Variants in COL22A1 observed in about 807,000 individuals in gnomAD.
COL22A1 encodes the protein collagen type XXII alpha 1 chain.
COL22A1 carries 221 observed loss-of-function variants against 248.9 expected under a neutral mutation model. The ratio of observed to expected loss-of-function variants is 0.89; its 90% CI spans 0.80 to 0.99. The LOEUF (loss-of-function observed/expected upper bound fraction) is 0.99. Among genes scored for constraint, COL22A1 ranks in the 50% least tolerant of loss-of-function variants. COL22A1 has a pLI of 0.00. For synonymous variants in COL22A1, 891 were observed against 793.4 expected (o/e 1.12, Z -2.07); for missense variants, 2,240 against 2,179.0 (o/e 1.03, Z -0.56).
chr8:138,871,273 T>G (rs1420988684), intron 3 of COL22A1, among the ~76,000 whole-genome samples: 1 of 152,172 alleles, frequency 6.6e-6, no homozygotes, highest in Non-Finnish European at 1.5e-5. Flanking sequence ...GATTCAGGAC[T>G]GCCCCCGGAT....
chr8:138,863,554 T>C (rs1822644488), intron 3 of COL22A1, among the ~76,000 whole-genome samples: 1 of 152,108 alleles, frequency 6.6e-6, no homozygotes, highest in African/African-American at 2.4e-5. Flanking sequence ...TACAAAGCAA[T>C]AGCACTGAGC....
chr8:138,833,005 C>G, intron 5 of COL22A1, 34 bp downstream of exon 5: 1 of 1,416,996 alleles, frequency 7.1e-7, no homozygotes, highest in South Asian at 1.1e-5. Flanking sequence ...CCATGACACC[C>G]TGGGCAGGTC....
intron 23 of COL22A1, among the ~76,000 whole-genome samples, chr8:138,728,440 C>T (rs912462693): frequency 6.6e-6 from 1 of 152,130 alleles, no homozygotes; most frequent in Non-Finnish European, 1.5e-5. Flanking sequence ...ATGAACAATT[C>T]AGTTCCCTTC....
chr8:138,649,142 T>C (rs2130540757), intron 46 of COL22A1, among the ~76,000 whole-genome samples: 1 of 152,346 alleles, frequency 6.6e-6, no homozygotes, highest in East Asian at 1.9e-4. Flanking sequence ...GGACAGACCA[T>C]GAACTCCTTT....
At chr8:138,635,094 ATGACTTG>A in intron 48 of COL22A1, 31 bp from the exon 49 acceptor site, 1 of 1,554,170 alleles carries the variant, frequency 6.4e-7, no homozygotes, top group Admixed American at 1.9e-5. Flanking sequence ...ATTCTTTAAA[ATGACTTG>A]AAAAATACTT....
At chr8:138,872,145 G>C (rs1823390288) in intron 3 of COL22A1, among the ~76,000 whole-genome samples, 1 of 152,144 alleles carries the variant, frequency 6.6e-6, no homozygotes, top group South Asian at 2.1e-4. Context: ...AATAAAATGG[G>C]AAAATGAATC....
At chr8:138,744,256 C>G (rs1259704824) in intron 22 of COL22A1, among the ~76,000 whole-genome samples, 3 of 152,134 alleles carry the variant, frequency 2.0e-5, no homozygotes, top group Non-Finnish European at 4.4e-5. Context: ...TTTCCTTCCT[C>G]AAATCTACTA....
At chr8:138,745,914 A>G (rs1191840787) in intron 22 of COL22A1, among the ~76,000 whole-genome samples, 2 of 152,194 alleles carry the variant, frequency 1.3e-5, no homozygotes. Flanking sequence ...AGCTCAGACA[A>G]CAGGCAGGAA....
chr8:138,719,814 T>C (rs996090204), intron 27 of COL22A1, among the ~76,000 whole-genome samples: 1 of 152,168 alleles, frequency 6.6e-6, no homozygotes, highest in African/African-American at 2.4e-5. Context: ...TGCTTGCCTG[T>C]GGGCGGGCAG....
intron 43 of COL22A1, among the ~76,000 whole-genome samples, chr8:138,661,043 C>T (rs1426807991): frequency 6.7e-6 from 1 of 150,198 alleles, no homozygotes; most frequent in Non-Finnish European, 1.5e-5. Flanking sequence ...TATACAGACA[C>T]ACACACACAC....
At chr8:138,740,432 C>T (rs1411995521) in intron 22 of COL22A1, among the ~76,000 whole-genome samples, 2 of 152,144 alleles carry the variant, frequency 1.3e-5, no homozygotes, top group South Asian at 2.1e-4. Context: ...GTGACACAAT[C>T]ACCATTTGGG....
intron 3 of COL22A1, among the ~76,000 whole-genome samples, chr8:138,873,952 G>A (rs1291132323): frequency 1.3e-5 from 2 of 152,154 alleles, no homozygotes. Context: ...TCAATAAGTG[G>A]CCTCTATTGA....
rs189937251 is a variant in COL22A1 at position 138,596,806 on chromosome 8, C to T, written c.4432+98G>A. The stretch of plus-strand genomic sequence containing the variant: ...CTACACTTGAGCTGCCGGTCAAGTG[C>T]TTTTCTTATTCCAGGATGCAAAAGC... On this transcript the variant is annotated intron_variant, in intron 62 of 64. Coordinates refer to ENST00000303045, the MANE Select transcript of COL22A1 (RefSeq NM_152888.3). 7 of 1,131,282 alleles carry T rather than the reference C, an allele frequency of 6.2e-6. No homozygotes were observed. The East Asian group carries it at 9.5e-5, about 15-fold the overall frequency. The allele number at this position is 1,131,282 out of a possible 1,614,324, so 70.1% of individuals were successfully genotyped here.
intron 1 of COL22A1, among the ~76,000 whole-genome samples, chr8:138,904,843 A>C (rs577099422): frequency 1.4e-4 from 22 of 152,308 alleles, no homozygotes; most frequent in African/African-American, 5.3e-4. Context: ...AATAATGAGA[A>C]GCCACATGCA....
At chr8:138,840,557 A>ACG (rs1554643255) in intron 4 of COL22A1, among the ~76,000 whole-genome samples, 25 of 150,782 alleles carry the variant, frequency 1.7e-4, no homozygotes, top group African/African-American at 4.9e-4. Flanking sequence ...ACACACACAC[A>ACG]CGCGCTCCTG....
At chr8:138,715,836 T>A in intron 29 of COL22A1, 101 bp from the exon 30 acceptor site, 1 of 833,364 alleles carries the variant, frequency 1.2e-6, no homozygotes, top group Non-Finnish European at 2.0e-6. Flanking sequence ...AACATACATG[T>A]ATATATTTCT....
chr8:138,694,739 A>G, intron 33 of COL22A1, 87 bp downstream of exon 33: 1 of 1,503,784 alleles, frequency 6.6e-7, no homozygotes. Flanking sequence ...TGTGGAATGC[A>G]CGGTGCAGAT....
intron 56 of COL22A1, among the ~76,000 whole-genome samples, chr8:138,608,792 C>T (rs979717970): frequency 6.6e-6 from 1 of 152,130 alleles, no homozygotes; most frequent in African/African-American, 2.4e-5. Flanking sequence ...ACCACACTCC[C>T]CCACTCAGGG....
intron 35 of COL22A1, among the ~76,000 whole-genome samples, chr8:138,692,055 T>C (rs373076238): frequency 2.7e-5 from 4 of 145,884 alleles, no homozygotes; most frequent in Admixed American, 6.8e-5. Flanking sequence ...GGTGTGTGTG[T>C]GCGCGCACGT....
Sources: gnomAD v4.1 joint callset for allele counts (sites outside exome capture counted in the v4.1 genomes callset) on GRCh38, gnomAD v4.1.1 for gene constraint, MANE v1.5 for transcripts, NCBI Gene and HGNC (gene_info 2026-07-23, HGNC 2026-07-21) for gene names.